The following DOCK9 variants were observed in gnomAD, a reference collection of about 807,000 sequenced individuals.
DOCK9 encodes the protein dedicator of cytokinesis 9.
A neutral mutation model predicts 263.3 loss-of-function variants in DOCK9; 89 were observed. The ratio of observed to expected loss-of-function variants is 0.34; its 90% CI spans 0.28 to 0.40. The LOEUF is 0.40. DOCK9 is among the 10% of genes least tolerant of loss of function. DOCK9 has a pLI of 1.00. For missense variants in DOCK9, 2,140 were observed against 2,603.4 expected (o/e 0.82, Z 3.87); for synonymous variants, 976 against 973.1 (o/e 1.00, Z -0.06).
At chr13:98,849,201 CCG>C (rs1244610495) in intron 36 of DOCK9, among the ~76,000 whole-genome samples, 1 of 151,922 alleles carries the variant, frequency 6.6e-6, no homozygotes, top group East Asian at 1.9e-4. Context: ...CACATAACTC[CCG>C]CCTTTAACTC....
intron 2 of DOCK9, among the ~76,000 whole-genome samples, chr13:98,943,095 C>G (rs369513968): frequency 6.6e-6 from 1 of 152,246 alleles, no homozygotes; most frequent in East Asian, 1.9e-4. Context: ...TAATTTCACT[C>G]AAATCCCTCT....
chr13:98,864,801 C>T (rs9584958), intron 30 of DOCK9, among the ~76,000 whole-genome samples: 8,861 of 151,948 alleles, frequency 0.058, 663 homozygotes, highest in African/African-American at 0.16. Context: ...GTCATGGGGG[C>T]GAATCCCTCA....
In DOCK9 at chr13:98,821,922, A is replaced by G. The variant is rs538364063; in HGVS notation, c.5130+2476T>C. ...CTGTGTTATACACTTATCTCCCACC[A>G]GATTTTCCCCAAAGTCCTTCCTCTC... On this transcript the variant is annotated intron_variant, in intron 45 of 52. Coordinates refer to ENST00000682017, the MANE Select transcript of DOCK9 (RefSeq NM_001366683.2). Among the ~76,000 whole-genome samples the G allele has an allele frequency of 4.6e-5, 7 of 152,342 alleles. 1 individual carries two copies. The highest frequency in any genetic ancestry group is 2.1e-4 in the South Asian group (1 of 4,820).
At chr13:98,820,769 G>T in intron 45 of DOCK9, 1 of 344,902 alleles carries the variant, frequency 2.9e-6, no homozygotes, top group Non-Finnish European at 5.6e-6. Flanking sequence ...TCAAGTCTGG[G>T]TCTGTCTAGT....
At chr13:98,931,288 T>TA (rs1447778505) in intron 2 of DOCK9, among the ~76,000 whole-genome samples, 30 of 117,140 alleles carry the variant, frequency 2.6e-4, no homozygotes, top group Non-Finnish European at 4.3e-4. Context: ...TTTTTAATTT[T>TA]TTTATTTATT....
At chr13:98,804,552 G>A (rs2090471927) in intron 49 of DOCK9, among the ~76,000 whole-genome samples, 1 of 151,976 alleles carries the variant, frequency 6.6e-6, no homozygotes, top group South Asian at 2.1e-4. Context: ...GGCGATCCAA[G>A]CTCACATCCC....
At chr13:99,026,253 A>C (rs898975621) in intron 1 of DOCK9, among the ~76,000 whole-genome samples, 3 of 152,240 alleles carry the variant, frequency 2.0e-5, no homozygotes, top group Non-Finnish European at 2.9e-5. Flanking sequence ...TGAACATTTT[A>C]AATGGATGAA....
Position 98,868,004 on chromosome 13 carries a change from A to T in DOCK9, c.3098T>A (p.Phe1033Tyr). The T allele has an allele frequency of 6.2e-7, 1 of 1,613,554 alleles. No individual in the cohort carries two copies. Among genetic ancestry groups the T allele is most frequent in the East Asian group, 2.2e-5 (1 of 44,870 alleles). Residue 1033 changes from phenylalanine (F) to tyrosine (Y), a missense_variant, in exon 29 of 53, where the codon TTC becomes TAC. Around this residue, in one of 2 missense-constraint regions of DOCK9, gnomAD observed 1,521 missense variants for 1,741.7 expected, o/e 0.87. Coordinates refer to ENST00000682017, the MANE Select transcript of DOCK9 (RefSeq NM_001366683.2). Reference sequence around the variant, plus strand: ...GACAAAGCCCCTGTCCATGAAGGTGAAACATCTCTGTGGAGGAAAACAAGC... The same window carrying T: ...GACAAAGCCCCTGTCCATGAAGGTGTAACATCTCTGTGGAGGAAAACAAGC... ...HSLAVFIKRC[F>Y]TFMDRGFVFK...
At chr13:98,865,292 G>A (rs1304051099) in intron 30 of DOCK9, among the ~76,000 whole-genome samples, 5 of 151,930 alleles carry the variant, frequency 3.3e-5, no homozygotes, top group Non-Finnish European at 7.4e-5. Flanking sequence ...GGATGATCTC[G>A]AACTCCTAGG....
chr13:98,913,929 G>C (rs1009390757), intron 9 of DOCK9, among the ~76,000 whole-genome samples: 6 of 152,178 alleles, frequency 3.9e-5, no homozygotes, highest in East Asian at 1.9e-4. Context: ...GGGTTTCGTG[G>C]CAAGATTACC....
At chr13:99,054,564 T>C (rs2040836348) in intron 1 of DOCK9, among the ~76,000 whole-genome samples, 1 of 152,210 alleles carries the variant, frequency 6.6e-6, no homozygotes, top group African/African-American at 2.4e-5. Context: ...TAGTTGTTGG[T>C]TGGACAGGGT....
chr13:99,070,960 A>T (rs1218998826), intron 1 of DOCK9, among the ~76,000 whole-genome samples: 1 of 152,214 alleles, frequency 6.6e-6, no homozygotes, highest in Admixed American at 6.5e-5. Context: ...TTTCATAAAA[A>T]AGTAAATAGT....
chr13:98,797,539 G>T, intron 50 of DOCK9, 50 bp from the exon 51 acceptor site: 2 of 1,490,412 alleles, frequency 1.3e-6, no homozygotes, highest in South Asian at 2.4e-5. Context: ...AAATCACCAT[G>T]ACCATCTGCT....
chr13:98,871,411 AC>A (rs1490021343), intron 27 of DOCK9, among the ~76,000 whole-genome samples: 3 of 152,254 alleles, frequency 2.0e-5, no homozygotes, highest in Admixed American at 1.3e-4. Context: ...CTGTTCAGTG[AC>A]TAGGCAATGA....
intron 2 of DOCK9, among the ~76,000 whole-genome samples, chr13:98,937,660 A>G (rs1463068626): frequency 6.6e-6 from 1 of 151,966 alleles, no homozygotes; most frequent in African/African-American, 2.4e-5. Flanking sequence ...ATGAGGATGC[A>G]CAGATACCTG....
In DOCK9 at chr13:99,071,306, C is replaced by CTTTTTTTTTTTTTTTTTTTT. The variant is rs71114578; in HGVS notation, c.129+14897_129+14916dup. On this transcript the variant is annotated intron_variant, in intron 1 of 32. Transcript: ENST00000427887. ...TACAGGTGCTTGCCACCATGCCTGGCTTTTTTTTTTTTTTTTTTTTTTTTT... is the reference window on the plus strand; with the variant it reads ...TACAGGTGCTTGCCACCATGCCTGGCTTTTTTTTTTTTTTTTTTTTTTTTTTTTTTTTTTTTTTTTTTTTT... Among the ~76,000 whole-genome samples, 22 of 49,330 alleles carry CTTTTTTTTTTTTTTTTTTTT rather than the reference C, an allele frequency of 4.5e-4. 3 individuals carry two copies. Among genetic ancestry groups the CTTTTTTTTTTTTTTTTTTTT allele is most frequent in the African/African-American group, 1.2e-3 (11 of 9,182 alleles). 32.4% of individuals were successfully genotyped at this position (49,330 alleles called of 152,430 possible). A position where few individuals can be genotyped will look rare whatever the true frequency, so the allele number is the denominator to read the frequency against.
At position 98,971,042 on chromosome 13, in the gene DOCK9, T is replaced by C. The variant is rs1595743150; in HGVS notation, c.126+6742A>G. Among the ~76,000 whole-genome samples, 4 of 152,230 alleles carry C rather than the reference T, an allele frequency of 2.6e-5. No homozygotes were observed. The East Asian group carries it at 7.7e-4, about 29-fold the overall frequency. On this transcript the variant is annotated intron_variant, in intron 1 of 52. Coordinates refer to ENST00000682017, the MANE Select transcript of DOCK9 (RefSeq NM_001366683.2). ...AACTAAAACTCCACAATCCTAAACC[T>C]GACTCCATCCCAGGTTATTCTGAGA...
At chr13:98,830,223 A>G (rs1307743144) in intron 41 of DOCK9, among the ~76,000 whole-genome samples, 1 of 152,202 alleles carries the variant, frequency 6.6e-6, no homozygotes, top group East Asian at 1.9e-4. Context: ...GGCTCAATGA[A>G]TAGCACTGCC....
At chr13:98,884,516 CA>C (rs1028063923) in intron 21 of DOCK9, among the ~76,000 whole-genome samples, 2 of 152,162 alleles carry the variant, frequency 1.3e-5, no homozygotes, top group African/African-American at 4.8e-5. Flanking sequence ...GCAAAACCAA[CA>C]AAGCAATTAA....
Sources: allele counts gnomAD v4.1 joint callset (sites outside exome capture counted in the v4.1 genomes callset), GRCh38; gene constraint gnomAD v4.1.1; regional missense constraint gnomAD v4.1.1; transcripts MANE v1.5; gene names NCBI Gene and HGNC (gene_info 2026-07-23, HGNC 2026-07-21).